Variants in LHCGR observed in about 807,000 individuals in gnomAD.
LHCGR encodes lutropin-choriogonadotropic hormone receptor.
LHCGR carries 55 observed loss-of-function variants against 60.7 expected under a neutral mutation model. That is an observed-to-expected ratio of 0.91 (90% CI 0.73 to 1.13). The LOEUF (loss-of-function observed/expected upper bound fraction) is 1.13. LHCGR is among the 50% of genes most tolerant of loss of function. The pLI is 0.00. For missense variants in LHCGR, 862 were observed against 836.0 expected (o/e 1.03, Z -0.38); for synonymous variants, 337 against 316.5 (o/e 1.06, Z -0.69).
At chr2:48,747,153 G>A (rs1325288670) in intron 1 of LHCGR, among the ~76,000 whole-genome samples, 2 of 151,642 alleles carry the variant, frequency 1.3e-5, no homozygotes, top group South Asian at 2.1e-4. Context: ...GCAGTGGTGC[G>A]ATCTCGGTTC....
chr2:48,741,730 C>T (rs1669464002), intron 1 of LHCGR, among the ~76,000 whole-genome samples: 1 of 151,536 alleles, frequency 6.6e-6, no homozygotes, highest in Non-Finnish European at 1.5e-5. Context: ...CCAGCCGCTG[C>T]AAAATCATGC....
At chr2:48,706,918 C>T (rs1243164534) in intron 8 of LHCGR, among the ~76,000 whole-genome samples, 3 of 152,192 alleles carry the variant, frequency 2.0e-5, no homozygotes, top group Non-Finnish European at 4.4e-5. Context: ...ATTCTCCGAC[C>T]AGTTTTGTTC....
At chr2:48,718,851 G>A (rs2104442758) in intron 6 of LHCGR, among the ~76,000 whole-genome samples, 1 of 152,286 alleles carries the variant, frequency 6.6e-6, no homozygotes, top group African/African-American at 2.4e-5. Context: ...CCCCATTTCT[G>A]GGGGTTCATA....
At chr2:48,704,110 T>G (rs1341412740) in intron 8 of LHCGR, among the ~76,000 whole-genome samples, 1 of 152,208 alleles carries the variant, frequency 6.6e-6, no homozygotes, top group African/African-American at 2.4e-5. Context: ...ACTGTTGAAT[T>G]TTGTCGAAGG....
Position 48,688,372 on chromosome 2 carries a change from G to A in LHCGR, c.1425C>T (p.Asp475=). The change falls in exon 11 of 11, where the codon GAC becomes GAT. Residue 475 remains aspartate (D), a synonymous_variant. Coordinates refer to ENST00000294954, the MANE Select transcript of LHCGR (RefSeq NM_000233.4). The surrounding 1 kb of genome is among the most constrained non-coding windows in gnomAD (Gnocchi z 5.2). ...WHTITYAIHL[D]QKLRLRHAIL... is the part of the protein sequence containing the mutation. Reference sequence around the variant, plus strand: ...TGGCATGTCTTAATCGCAGCTTTTGGTCCAGGTGAATAGCATAGGTGATGG... The same window carrying A: ...TGGCATGTCTTAATCGCAGCTTTTGATCCAGGTGAATAGCATAGGTGATGG... 6.2e-7 allele frequency: 1 copy of A among 1,614,132 alleles called. No homozygotes were observed. The highest frequency in any genetic ancestry group is 8.5e-7 in the Non-Finnish European group (1 of 1,180,016).
At chr2:48,724,420 G>C (rs1470870216) in intron 4 of LHCGR, among the ~76,000 whole-genome samples, 2 of 152,136 alleles carry the variant, frequency 1.3e-5, no homozygotes, top group Non-Finnish European at 2.9e-5. Flanking sequence ...CATGGGATCT[G>C]GACAACTAAT....
intron 9 of LHCGR, 54 bp from the exon 10 acceptor site, chr2:48,694,358 C>T: frequency 4.8e-6 from 5 of 1,043,424 alleles, no homozygotes; most frequent in East Asian, 2.5e-5. Flanking sequence ...TCAGGCTAAA[C>T]CTGACTGTGC....
Position 48,723,646 on chromosome 2 carries a change from A to G in LHCGR, c.434T>C (p.Phe145Ser). 1 of 1,613,892 alleles carries G rather than the reference A, an allele frequency of 6.2e-7. No homozygotes were observed. Among genetic ancestry groups the G allele is most frequent in the Non-Finnish European group, 8.5e-7 (1 of 1,179,788 alleles). The part of the protein sequence containing the change: ...IRKFPDVTKV[F>S]SSESNFILEI... ...CAGAATGAAATTTGATTCAGAGGAG[A>G]AGACCTTCGTAACATCTGGAAACTT... The change falls in exon 5 of 11, where the codon TTC (phenylalanine) becomes TCC (serine). Residue 145 changes from phenylalanine (F) to serine (S), a missense_variant. Physicochemically the swap from Phe to Ser is radical, Grantham distance 155 (BLOSUM62 -2). Transcript: ENST00000294954.
intron 8 of LHCGR, among the ~76,000 whole-genome samples, chr2:48,700,794 C>T (rs1667369505): frequency 6.6e-6 from 1 of 152,066 alleles, no homozygotes; most frequent in Admixed American, 6.5e-5. Context: ...GGGCAGGAGC[C>T]ACAAGGTAGT....
intron 8 of LHCGR, among the ~76,000 whole-genome samples, chr2:48,700,977 T>C (rs1202123087): frequency 6.6e-6 from 1 of 152,080 alleles, no homozygotes; most frequent in Non-Finnish European, 1.5e-5. Flanking sequence ...GAGTGAGAAC[T>C]GGACAGTGGC....
In LHCGR at chr2:48,726,164, AACTCGTCCTC is replaced by A. The variant is rs1348201505; in HGVS notation, c.309-424_309-415del. Among the ~76,000 whole-genome samples, 7 of 152,070 alleles carry A rather than the reference AACTCGTCCTC, an allele frequency of 4.6e-5. No individual in the cohort carries two copies. The South Asian group carries it at 8.3e-4, about 18-fold the overall frequency. Reference sequence around the variant, plus strand: ...AATTACCTACTCTCCCTTGTAAGCAAACTCGTCCTCTTCATATTGGCCGGCAATCACATGA... The same window carrying A: ...AATTACCTACTCTCCCTTGTAAGCAATTCATATTGGCCGGCAATCACATGA... On this transcript the variant is annotated intron_variant, in intron 3 of 10. Coordinates refer to ENST00000294954, the MANE Select transcript of LHCGR (RefSeq NM_000233.4).
intron 1 of LHCGR, among the ~76,000 whole-genome samples, chr2:48,738,245 A>G (rs1450504742): frequency 1.3e-5 from 2 of 151,748 alleles, no homozygotes; most frequent in African/African-American, 4.8e-5. Context: ...TCCCTTCAGT[A>G]TTATTTGAGA....
At chr2:48,723,752 A>G in intron 4 of LHCGR, 56 bp from the exon 5 acceptor site, 1 of 1,233,810 alleles carries the variant, frequency 8.1e-7, no homozygotes, top group South Asian at 1.2e-5. Context: ...AGTGATTGTC[A>G]TTAAGACATA....
intron 1 of LHCGR, among the ~76,000 whole-genome samples, chr2:48,731,689 A>T (rs1224768866): frequency 1.3e-5 from 2 of 152,220 alleles, no homozygotes; most frequent in East Asian, 3.9e-4. Context: ...AGGATAATCC[A>T]TGTAAAGAAC....
chr2:48,735,987 G>T (rs1249609299), intron 1 of LHCGR, among the ~76,000 whole-genome samples: 2 of 152,086 alleles, frequency 1.3e-5, no homozygotes, highest in Non-Finnish European at 2.9e-5. Context: ...AAAGTGTGTA[G>T]CACCTCTCCT....
chr2:48,733,632 G>T (rs1180776304), intron 1 of LHCGR, among the ~76,000 whole-genome samples: 1 of 152,146 alleles, frequency 6.6e-6, no homozygotes, highest in East Asian at 1.9e-4. Context: ...AAGAGTCCTG[G>T]GGGCCAGGGA....
chr2:48,755,679 G>A lies in LHCGR; in HGVS notation c.-8C>T, dbSNP rs749237266. The A allele has an allele frequency of 6.5e-7, 1 of 1,534,772 alleles. No individual in the cohort carries two copies. Among genetic ancestry groups the A allele is most frequent in the Non-Finnish European group, 8.7e-7 (1 of 1,146,364 alleles). On this transcript the variant is annotated 5_prime_UTR_variant, in exon 1 of 11. Transcript: ENST00000294954. ...CGAGAACCGCTGCTTCATGGCCGGC[G>A]AACTGGGCTTCTGCGGCTTGCCAGT...
chr2:48,699,161 C>G (rs914725857), intron 8 of LHCGR, among the ~76,000 whole-genome samples: 1 of 152,156 alleles, frequency 6.6e-6, no homozygotes, highest in Non-Finnish European at 1.5e-5. Context: ...GAAACCTCCC[C>G]TCAACAATAT....
At chr2:48,690,307 G>A (rs1180116301) in intron 10 of LHCGR, among the ~76,000 whole-genome samples, 1 of 152,176 alleles carries the variant, frequency 6.6e-6, no homozygotes. Flanking sequence ...AATGGGCTCT[G>A]GAGCAAGATT....
Sources: allele counts gnomAD v4.1 joint callset (sites outside exome capture counted in the v4.1 genomes callset), GRCh38; gene constraint gnomAD v4.1.1; non-coding constraint Gnocchi (gnomAD v3.1); transcripts MANE v1.5; gene names NCBI Gene and HGNC (gene_info 2026-07-23, HGNC 2026-07-21).